The following RAB6B variants were observed in gnomAD, a reference collection of about 807,000 sequenced individuals.
RAB6B encodes the protein ras-related protein Rab-6B.
Under a neutral mutation model 31.2 loss-of-function variants are expected in RAB6B, and 7 were observed. The observed-to-expected ratio is 0.22, with a 90% confidence interval of 0.13 to 0.42. RAB6B has a LOEUF of 0.42. RAB6B is among the 10% of genes least tolerant of loss of function. The pLI, the probability that RAB6B is intolerant of heterozygous loss-of-function variation, is 1.00. For missense variants in RAB6B, 149 were observed against 280.6 expected (o/e 0.53, Z 3.35); for synonymous variants, 105 against 104.9 (o/e 1.00, Z -0.01).
At chr3:133,885,692 C>A in intron 1 of RAB6B, 1 of 695,138 alleles carries the variant, frequency 1.4e-6, no homozygotes, top group South Asian at 1.5e-5. Context: ...GACAGGGGAG[C>A]TTAAAGGGGC....
chr3:133,828,794 G>A lies in RAB6B; in HGVS notation c.621C>T (p.Ser207=). The change falls in exon 8 of 8, where the codon TCC becomes TCT. Residue 207 remains serine (S), a synonymous_variant. Transcript: ENST00000285208. ...GCCACAGGTCGGCTCTGCATTAGCA[G>A]GAGCAGCCGCCCTCGCTGGCCGGGG... ...QEPPASEGGC[S]C is the part of the protein sequence containing the mutation. The A allele has an allele frequency of 6.2e-7, 1 of 1,610,998 alleles. No homozygotes were observed. Among genetic ancestry groups the A allele is most frequent in the Non-Finnish European group, 8.5e-7 (1 of 1,177,650 alleles).
Position 133,828,733 on chromosome 3 carries a change from A to G in RAB6B, c.*55T>C. 4.6e-6 allele frequency: 7 copies of G among 1,527,150 alleles called. No individual in the cohort carries two copies. In the South Asian group the frequency reaches 6.7e-5, roughly 15 times the overall value. The allele number at this position is 1,527,150 out of a possible 1,614,324, so 94.6% of individuals were successfully genotyped here. ...CTCCCCCCTTAGGAAGCTAGCCAAT[A>G]GGAAGCAACACAACAAGCAAGGAGT... On this transcript the variant is annotated 3_prime_UTR_variant, in exon 8 of 8. Coordinates refer to ENST00000285208, the MANE Select transcript of RAB6B (RefSeq NM_016577.4).
At chr3:133,832,524 G>A (rs973772854) in intron 7 of RAB6B, among the ~76,000 whole-genome samples, 3 of 152,150 alleles carry the variant, frequency 2.0e-5, no homozygotes, top group Non-Finnish European at 2.9e-5. Flanking sequence ...CTCTCAATGT[G>A]GAACACAATT....
chr3:133,887,239 C>T (rs989830467), intron 1 of RAB6B, among the ~76,000 whole-genome samples: 5 of 152,298 alleles, frequency 3.3e-5, no homozygotes, highest in African/African-American at 1.2e-4. Context: ...GACACACCTC[C>T]TGGAAGCAGA....
chr3:133,882,910 T>C (rs548490725), intron 1 of RAB6B, among the ~76,000 whole-genome samples: 1 of 152,266 alleles, frequency 6.6e-6, no homozygotes, highest in Admixed American at 6.5e-5. Flanking sequence ...CAGCCTGCAG[T>C]GTTTGGGTTG....
In RAB6B at chr3:133,828,848, G is replaced by A. The variant is rs2293373; in HGVS notation, c.567C>T (p.Ile189=). Residue 189 remains isoleucine (I), a synonymous_variant, in exon 8 of 8, where the codon ATC becomes ATT. Coordinates refer to ENST00000285208, the MANE Select transcript of RAB6B (RefSeq NM_016577.4). ...CCTGGGGTTTGTCCAGCTTGATGTC[G>A]ATCACTGCAGGGGGACGGGCTAAGG... The part of the protein sequence containing the change: ...NVQEKSKEGM[I]DIKLDKPQEP... 260,105 of 1,610,022 alleles carry A rather than the reference G, an allele frequency of 0.16. 25,648 individuals carry two copies. The highest frequency in any genetic ancestry group is 0.41 in the East Asian group (18,228 of 44,804).
At position 133,873,609 on chromosome 3, in the gene RAB6B, T is replaced by C. The variant is rs185514508; in HGVS notation, c.71-8967A>G. On this transcript the variant is annotated intron_variant, in intron 1 of 7. Transcript: ENST00000285208. ...TGGTTTTCTTCTTTTCCTCTCTAGCTTCCTCTCTTCCTGCCTCTACCCCAA... is the reference window on the plus strand; with the variant it reads ...TGGTTTTCTTCTTTTCCTCTCTAGCCTCCTCTCTTCCTGCCTCTACCCCAA... Among the ~76,000 whole-genome samples, 120 of 152,328 alleles carry C rather than the reference T, an allele frequency of 7.9e-4. No homozygotes were observed. In the South Asian group the frequency reaches 9.3e-3, roughly 12 times the overall value.
At chr3:133,849,295 C>T (rs186156177) in intron 2 of RAB6B, among the ~76,000 whole-genome samples, 1 of 152,288 alleles carries the variant, frequency 6.6e-6, no homozygotes, top group Admixed American at 6.5e-5. Context: ...ATGTAGCCCA[C>T]GAGTCATGTG....
At chr3:133,838,121 CCG>C in intron 6 of RAB6B, 43 bp downstream of exon 6, 11 of 284,616 alleles carry the variant, frequency 3.9e-5, no homozygotes, top group Middle Eastern at 6.5e-4. Flanking sequence ...CAGGGCTACA[CCG>C]TGCCGGGCCC....
chr3:133,861,551 C>T (rs920923858), intron 2 of RAB6B, among the ~76,000 whole-genome samples: 1 of 152,146 alleles, frequency 6.6e-6, no homozygotes, highest in Non-Finnish European at 1.5e-5. Flanking sequence ...AGTTTTAGAC[C>T]GAGAAAGAAC....
chr3:133,860,816 C>T (rs958514148), intron 2 of RAB6B, among the ~76,000 whole-genome samples: 2 of 152,170 alleles, frequency 1.3e-5, no homozygotes, highest in Non-Finnish European at 2.9e-5. Context: ...AGGGACAGCC[C>T]GTTAAGTCAG....
At chr3:133,852,046 G>A (rs538694394) in intron 2 of RAB6B, among the ~76,000 whole-genome samples, 23 of 152,346 alleles carry the variant, frequency 1.5e-4, no homozygotes, top group South Asian at 1.4e-3. Context: ...CATTCTCCTC[G>A]TCACAGGGAA....
At chr3:133,889,429 TA>T (rs1559915485) in intron 1 of RAB6B, among the ~76,000 whole-genome samples, 22 of 82,126 alleles carry the variant, frequency 2.7e-4, no homozygotes, top group African/African-American at 4.6e-4. Context: ...TATATATATA[TA>T]TATATATATA....
chr3:133,824,792 A>C lies in RAB6B; in HGVS notation c.*3996T>G, dbSNP rs946314475. On this transcript the variant is annotated 3_prime_UTR_variant, in exon 8 of 8. Transcript: ENST00000285208. ...AGTGTCCTAACCAAAAAGAGTAGAG[A>C]TGGTCTGAGGAACACACCCACACAC... 6.6e-6 allele frequency: 1 copy of C among 152,148 alleles called. No individual in the cohort carries two copies. Among genetic ancestry groups the C allele is most frequent in the Non-Finnish European group, 1.5e-5 (1 of 68,030 alleles). 9.4% of individuals were successfully genotyped at this position (152,148 alleles called of 1,614,324 possible). A position where few individuals can be genotyped will look rare whatever the true frequency, so the allele number is the denominator to read the frequency against.
chr3:133,834,467 G>A (rs889342448), intron 7 of RAB6B, 108 bp downstream of exon 7: 86 of 1,249,680 alleles, frequency 6.9e-5, no homozygotes, highest in Non-Finnish European at 9.6e-5. Flanking sequence ...GGCAGACCAG[G>A]GAAGGCTGGG....
chr3:133,835,397 TTG>T (rs1277693664), intron 6 of RAB6B, among the ~76,000 whole-genome samples: 1 of 151,362 alleles, frequency 6.6e-6, no homozygotes, highest in Admixed American at 6.6e-5. Context: ...ATGTGTGTGT[TTG>T]TGTAAGTGTG....
At chr3:133,839,084 C>T (rs74917393) in intron 5 of RAB6B, among the ~76,000 whole-genome samples, 5,557 of 152,330 alleles carry the variant, frequency 0.036, 310 homozygotes, top group African/African-American at 0.12. Flanking sequence ...ATGCTCACAC[C>T]TAGGGCCCAG....
rs965239946 is a variant in RAB6B at position 133,895,627 on chromosome 3, C to A, written c.-161G>T. On this transcript the variant is annotated 5_prime_UTR_variant, in exon 1 of 8. Transcript: ENST00000285208. ...CTCCCCAGCTGCGTCCCGGTCCCGG[C>A]CTGCGGCTGCGTGTCCGGCGGCGGA... 22 of 656,472 alleles carry A rather than the reference C, an allele frequency of 3.4e-5. No individual in the cohort carries two copies. The highest frequency in any genetic ancestry group is 5.2e-5 in the Non-Finnish European group (20 of 387,324). The allele number at this position is 656,472 out of a possible 1,614,324, so 40.7% of individuals were successfully genotyped here.
intron 1 of RAB6B, among the ~76,000 whole-genome samples, 179 bp from the exon 2 acceptor site, chr3:133,864,821 C>T (rs1271960446): frequency 6.6e-6 from 1 of 150,570 alleles, no homozygotes; most frequent in Admixed American, 6.6e-5. Context: ...GCCACCGAGT[C>T]TCTATACCAG....
Sources: gnomAD v4.1 joint callset for allele counts (sites outside exome capture counted in the v4.1 genomes callset) on GRCh38, gnomAD v4.1.1 for gene constraint, MANE v1.5 for transcripts, NCBI Gene and HGNC (gene_info 2026-07-23, HGNC 2026-07-21) for gene names.